RPS6KC1: variants seen among roughly 807,000 people sequenced by gnomAD.
RPS6KC1 encodes inactive ribosomal protein S6 kinase delta-1.
A neutral mutation model predicts 103.8 loss-of-function variants in RPS6KC1; 54 were observed. The ratio of observed to expected loss-of-function variants is 0.52; its 90% CI spans 0.42 to 0.65. The LOEUF is 0.65. Ranked by LOEUF, RPS6KC1 falls within the 30% of genes least tolerant of loss-of-function variation. The probability of loss-of-function intolerance (pLI) is 0.00; values close to 1 mark genes in which losing one functional copy is unlikely to be tolerated. For synonymous variants in RPS6KC1, 439 were observed against 438.7 expected (o/e 1.00, Z -0.01); for missense variants, 1,151 against 1,253.8 (o/e 0.92, Z 1.24).
the RPS6KC1 span, among the ~76,000 whole-genome samples, chr1:213,674,504 T>C: frequency 6.6e-6 from 1 of 152,396 alleles, no homozygotes; most frequent in Non-Finnish European, 1.5e-5. Context: ...TATTCCATTG[T>C]GTATATATAC....
chr1:213,405,864 C>T, the RPS6KC1 span, among the ~76,000 whole-genome samples: 61 of 152,126 alleles, frequency 4.0e-4, no homozygotes, highest in Non-Finnish European at 2.8e-4. Flanking sequence ...TATAGGAGGA[C>T]TCTGAGAGGG....
At chr1:213,615,681 C>T in the RPS6KC1 span, among the ~76,000 whole-genome samples, 4 of 152,264 alleles carry the variant, frequency 2.6e-5, no homozygotes, top group South Asian at 2.1e-4. Flanking sequence ...TTCCACAGAA[C>T]GCGCCATCTG....
At chr1:213,583,112 G>A in the RPS6KC1 span, among the ~76,000 whole-genome samples, 3,545 of 152,286 alleles carry the variant, frequency 0.023, 76 homozygotes, top group African/African-American at 0.053. Context: ...TTTTATTGCT[G>A]AGTAGTATTC....
At chr1:213,527,679 A>T in the RPS6KC1 span, among the ~76,000 whole-genome samples, 256 of 152,222 alleles carry the variant, frequency 1.7e-3, no homozygotes, top group South Asian at 6.0e-3. Flanking sequence ...TTTTTTAAAA[A>T]TTTTAATTGA....
the RPS6KC1 span, among the ~76,000 whole-genome samples, chr1:213,859,830 G>C: frequency 2.0e-5 from 3 of 152,118 alleles, no homozygotes; most frequent in Non-Finnish European, 4.4e-5. Context: ...CATGCCATAG[G>C]ACGGAAAACT....
chr1:213,298,937 C>CG, the RPS6KC1 span, among the ~76,000 whole-genome samples: 2 of 152,134 alleles, frequency 1.3e-5, no homozygotes, highest in African/African-American at 4.8e-5. Flanking sequence ...TCAACCTGAG[C>CG]GGGGCTCTGC....
At chr1:213,471,071 G>A in the RPS6KC1 span, among the ~76,000 whole-genome samples, 3 of 128,948 alleles carry the variant, frequency 2.3e-5, no homozygotes, top group Non-Finnish European at 3.3e-5. Context: ...CCAGTGAGGA[G>A]GTAGCAATGG....
At chr1:213,520,028 T>A in the RPS6KC1 span, among the ~76,000 whole-genome samples, 1 of 152,158 alleles carries the variant, frequency 6.6e-6, no homozygotes, top group African/African-American at 2.4e-5. Context: ...AACATCTTTA[T>A]CTTGAGCTAT....
At chr1:213,696,525 A>G in the RPS6KC1 span, among the ~76,000 whole-genome samples, 13 of 120,488 alleles carry the variant, frequency 1.1e-4, no homozygotes, top group African/African-American at 2.9e-4. Flanking sequence ...AAAAAAAAAA[A>G]AAAAGAAAAA....
At position 213,128,278 on chromosome 1, in the gene RPS6KC1, T is replaced by G. The variant is rs73086365; in HGVS notation, c.473-1249T>G. 9.7e-3 allele frequency among the ~76,000 whole-genome samples: 1,479 copies of G among 152,336 alleles called. 25 individuals carry two copies. Among genetic ancestry groups the G allele is most frequent in the African/African-American group, 0.034 (1,410 of 41,586 alleles). ...CAAAAATGTAAAACAATGCCACTTC[T>G]TTCACTAACTTTTTTTGTTTTGGAA... is the stretch of plus-strand genomic sequence containing the variant. On this transcript the variant is annotated intron_variant, in intron 5 of 14. Transcript: ENST00000366960.
intron 6 of RPS6KC1, among the ~76,000 whole-genome samples, chr1:213,167,491 A>C (rs1013264316): frequency 4.2e-5 from 3 of 70,612 alleles, no homozygotes; most frequent in East Asian, 9.8e-4. Context: ...CACACACACA[A>C]CAGCTGTTGC....
At chr1:213,557,543 G>C in the RPS6KC1 span, among the ~76,000 whole-genome samples, 2 of 152,284 alleles carry the variant, frequency 1.3e-5, no homozygotes, top group Admixed American at 1.3e-4. Flanking sequence ...TAAGGAGTAT[G>C]AGAATTCTAA....
chr1:213,414,494 G>C, the RPS6KC1 span, among the ~76,000 whole-genome samples: 1 of 152,162 alleles, frequency 6.6e-6, no homozygotes, highest in Admixed American at 6.5e-5. Flanking sequence ...CAGAGATTGG[G>C]GTGATGCCTC....
the RPS6KC1 span, among the ~76,000 whole-genome samples, chr1:213,747,036 C>T: frequency 1.3e-5 from 2 of 152,140 alleles, no homozygotes; most frequent in South Asian, 4.1e-4. Flanking sequence ...TATTTGCATA[C>T]ACCTGATATT....
chr1:213,612,904 T>A, the RPS6KC1 span, among the ~76,000 whole-genome samples: 2 of 152,198 alleles, frequency 1.3e-5, no homozygotes, highest in African/African-American at 4.8e-5. Context: ...AAAAAGAAAA[T>A]GTATTTTCTG....
chr1:213,327,236 A>AAAAAAGAAAGAAAGAAAGAAAG, the RPS6KC1 span, among the ~76,000 whole-genome samples: 1 of 144,586 alleles, frequency 6.9e-6, no homozygotes, highest in Non-Finnish European at 1.5e-5. Flanking sequence ...GAAAGAAAAG[A>AAAAAAGAAAGAAAGAAAGAAAG]AAAGAAAGAA....
At chr1:213,142,219 G>A (rs777440710) in intron 6 of RPS6KC1, among the ~76,000 whole-genome samples, 7 of 151,726 alleles carry the variant, frequency 4.6e-5, no homozygotes, top group Non-Finnish European at 8.8e-5. Flanking sequence ...TTTTCCATTT[G>A]CTTGACAGAT....
the RPS6KC1 span, among the ~76,000 whole-genome samples, chr1:213,690,874 A>G: frequency 3.3e-5 from 5 of 152,148 alleles, no homozygotes; most frequent in African/African-American, 1.2e-4. Flanking sequence ...GGAGCTATAA[A>G]AGGGCTTTCT....
the RPS6KC1 span, among the ~76,000 whole-genome samples, chr1:213,455,896 C>G: frequency 2.0e-5 from 3 of 152,192 alleles, no homozygotes. Context: ...CCATGACACT[C>G]CACTGCTTGA....
Sources: allele counts gnomAD v4.1 joint callset (sites outside exome capture counted in the v4.1 genomes callset), GRCh38; gene constraint gnomAD v4.1.1; transcripts MANE v1.5; gene names NCBI Gene and HGNC (gene_info 2026-07-23, HGNC 2026-07-21).